OR52N4: variants seen among roughly 807,000 people sequenced by gnomAD.
OR52N4 encodes the protein olfactory receptor 52N4.
Under a neutral mutation model 15.0 loss-of-function variants are expected in OR52N4, and 15 were observed. The ratio of observed to expected loss-of-function variants is 1.00; its 90% CI spans 0.67 to 1.54. The LOEUF is 1.54. Among genes scored for constraint, OR52N4 ranks in the 40% most tolerant of loss-of-function variants. The probability of loss-of-function intolerance (pLI) is 0.00; values close to 1 mark genes in which losing one functional copy is unlikely to be tolerated. For missense variants in OR52N4, 421 were observed against 394.0 expected (o/e 1.07, Z -0.58); for synonymous variants, 143 against 143.7 (o/e 1.00, Z 0.03).
chr11:5,753,164 G>A (rs1024205236), upstream of OR52N4, among the ~76,000 whole-genome samples: 12 of 152,100 alleles, frequency 7.9e-5, no homozygotes, highest in African/African-American at 2.9e-4. Flanking sequence ...AAATGGCAAT[G>A]GTGGTCATGT....
the OR52N4 span, among the ~76,000 whole-genome samples, chr11:5,743,372 C>T: frequency 6.6e-6 from 1 of 152,040 alleles, no homozygotes; most frequent in Non-Finnish European, 1.5e-5. Context: ...CTTAAATTGC[C>T]CTCTAGATTA....
the OR52N4 span, among the ~76,000 whole-genome samples, chr11:5,741,370 T>C: frequency 1.3e-5 from 2 of 152,188 alleles, no homozygotes; most frequent in Admixed American, 6.5e-5. Context: ...TGGAGATGGG[T>C]CAGACTCACT....
rs775959039 is a variant in OR52N4, at chr11:5,755,648, G to A, written c.908G>A (p.Arg303Gln). The A allele has an allele frequency of 1.7e-5, 28 of 1,613,562 alleles. No individual in the cohort carries two copies. The highest frequency in any genetic ancestry group is 5.3e-5 in the African/African-American group (4 of 74,894). ...IVYGVKTKQIRDCVIRILSGS... is the reference protein window; with the variant it reads ...IVYGVKTKQIQDCVIRILSGS... ...TATGGGGTGAAAACCAAACAGATAC[G>A]AGACTGTGTCATAAGGATCCTTTCA... The change falls in exon 2 of 2, where the codon CGA becomes CAA. Residue 303 changes from arginine (R) to glutamine (Q), a missense_variant. Arg to Gln is a conservative substitution (Grantham distance 43). Coordinates refer to ENST00000641350, the MANE Select transcript of OR52N4 (RefSeq NM_001005175.5).
upstream of OR52N4, among the ~76,000 whole-genome samples, chr11:5,751,647 CTTAT>C (rs1004451050): frequency 3.9e-5 from 6 of 151,988 alleles, no homozygotes; most frequent in Middle Eastern, 3.4e-3. Flanking sequence ...TTTTCATTTA[CTTAT>C]TTGTTTATTT....
At chr11:5,735,403 ATAAAG>A in the OR52N4 span, among the ~76,000 whole-genome samples, 1 of 152,076 alleles carries the variant, frequency 6.6e-6, no homozygotes, top group African/African-American at 2.4e-5. Flanking sequence ...GATTGTAATA[ATAAAG>A]TATTGTATTT....
the OR52N4 span, among the ~76,000 whole-genome samples, chr11:5,745,285 T>C: frequency 6.6e-6 from 1 of 152,188 alleles, no homozygotes. Context: ...TATGATCTTA[T>C]ATGTAGAAAA....
the OR52N4 span, chr11:5,734,368 G>C: frequency 2.7e-3 from 905 of 335,406 alleles, 10 homozygotes; most frequent in African/African-American, 0.019. Flanking sequence ...GTAGCATATA[G>C]AGGATTAGAG....
Position 5,755,589 on chromosome 11 carries a change from T to C in OR52N4, c.849T>C (p.Tyr283=), listed in dbSNP as rs1409000891. The C allele has an allele frequency of 1.2e-6, 2 of 1,613,908 alleles. No homozygotes were observed. The highest frequency in any genetic ancestry group is 1.1e-5 in the South Asian group (1 of 91,086). The change falls in exon 2 of 2, where the codon TAT becomes TAC. Residue 283 remains tyrosine, a synonymous_variant. Coordinates refer to ENST00000641350, the MANE Select transcript of OR52N4 (RefSeq NM_001005175.5). ...GCCACATCATTGTAGCCAATATTTA[T>C]CTGCTCCTACCACCCACTATGAACC... ...PSCHIIVANI[Y]LLLPPTMNPI... is the part of the protein sequence containing the mutation.
At chr11:5,743,839 A>C in the OR52N4 span, among the ~76,000 whole-genome samples, 3 of 152,128 alleles carry the variant, frequency 2.0e-5, no homozygotes, top group Non-Finnish European at 4.4e-5. Flanking sequence ...AAATAAGAAC[A>C]ACTAAAACCC....
chr11:5,738,769 T>TC, the OR52N4 span, among the ~76,000 whole-genome samples: 1 of 151,066 alleles, frequency 6.6e-6, no homozygotes, highest in African/African-American at 2.4e-5. Flanking sequence ...TTTCTTTCTT[T>TC]TTTTTTTAAA....
In OR52N4 at chr11:5,755,120, C is replaced by T. The variant is rs773227533; in HGVS notation, c.380C>T (p.Ala127Val). The part of the protein sequence containing the change: ...LMLMALDRYV[A>V]ICYPLRYSTI... ...CTTATGGCCCTGGATCGCTATGTGGCCATCTGCTACCCCTTACGCTATTCA... is the reference window on the plus strand; with the variant it reads ...CTTATGGCCCTGGATCGCTATGTGGTCATCTGCTACCCCTTACGCTATTCA... Residue 127 changes from alanine to valine, a missense_variant, in exon 2 of 2, where the codon GCC becomes GTC. Coordinates refer to ENST00000641350, the MANE Select transcript of OR52N4 (RefSeq NM_001005175.5). The T allele has an allele frequency of 3.1e-6, 5 of 1,613,908 alleles. No homozygotes were observed. The highest frequency in any genetic ancestry group is 1.3e-5 in the African/African-American group (1 of 74,886).
chr11:5,736,555 C>G, the OR52N4 span: 5 of 1,613,468 alleles, frequency 3.1e-6, no homozygotes, highest in Non-Finnish European at 4.2e-6. Context: ...TCTCCAATAG[C>G]TCCAAATTCC....
At chr11:5,729,213 A>G in the OR52N4 span, among the ~76,000 whole-genome samples, 2 of 134,614 alleles carry the variant, frequency 1.5e-5, no homozygotes, top group South Asian at 4.7e-4. Flanking sequence ...TCCGCCTCCC[A>G]GGCTCACACC....
At chr11:5,728,242 G>A in the OR52N4 span, among the ~76,000 whole-genome samples, 1 of 151,616 alleles carries the variant, frequency 6.6e-6, no homozygotes, top group African/African-American at 2.4e-5. Flanking sequence ...AGAAGTCATT[G>A]ACTTATCTCC....
the OR52N4 span, among the ~76,000 whole-genome samples, chr11:5,727,993 A>G: frequency 1.1e-4 from 16 of 152,226 alleles, no homozygotes; most frequent in Non-Finnish European, 8.8e-5. Context: ...AGCATCCACA[A>G]TGTTACTTAG....
At chr11:5,745,142 A>G in the OR52N4 span, among the ~76,000 whole-genome samples, 1 of 152,180 alleles carries the variant, frequency 6.6e-6, no homozygotes, top group Non-Finnish European at 1.5e-5. Flanking sequence ...GGAACAAGCC[A>G]AAGATGCCCA....
chr11:5,741,276 A>T, the OR52N4 span, among the ~76,000 whole-genome samples: 1 of 152,360 alleles, frequency 6.6e-6, no homozygotes, highest in East Asian at 1.9e-4. Context: ...ATCTTAAGAC[A>T]TAAGAACATA....
At chr11:5,740,170 C>G in the OR52N4 span, among the ~76,000 whole-genome samples, 2 of 127,224 alleles carry the variant, frequency 1.6e-5, 1 homozygote, top group African/African-American at 5.7e-5. Context: ...TGAAATCATA[C>G]AATACGGGAC....
At chr11:5,737,064 T>C in the OR52N4 span, 99 of 1,614,118 alleles carry the variant, frequency 6.1e-5, 2 homozygotes, top group South Asian at 7.8e-4. Flanking sequence ...AAGAATGAAA[T>C]TGAACACTGC....
Sources: gnomAD v4.1 joint callset for allele counts (sites outside exome capture counted in the v4.1 genomes callset) on GRCh38, gnomAD v4.1.1 for gene constraint, MANE v1.5 for transcripts, NCBI Gene and HGNC (gene_info 2026-07-23, HGNC 2026-07-21) for gene names.